Variants in BPHL observed in about 807,000 individuals in gnomAD.
BPHL encodes serine hydrolase BPHL.
A neutral mutation model predicts 31.2 loss-of-function variants in BPHL; 27 were observed. That is an observed-to-expected ratio of 0.87 (90% CI 0.64 to 1.19). The LOEUF (loss-of-function observed/expected upper bound fraction) is 1.19, where lower values mean the gene tolerates loss of function less well. Ranked by LOEUF, BPHL falls within the 50% of genes most tolerant of loss-of-function variation. BPHL has a pLI of 0.00. For missense variants in BPHL, 356 were observed against 375.7 expected (o/e 0.95, Z 0.43); for synonymous variants, 150 against 146.8 (o/e 1.02, Z -0.16).
At chr6:3,134,684 A>G (rs964820354) in intron 4 of BPHL, among the ~76,000 whole-genome samples, 2 of 147,166 alleles carry the variant, frequency 1.4e-5, no homozygotes, top group African/African-American at 2.5e-5. Context: ...CTCACTGCAA[A>G]CTCCGCCTCC....
intron 4 of BPHL, among the ~76,000 whole-genome samples, chr6:3,134,644 C>T (rs1438038909): frequency 1.4e-5 from 2 of 145,154 alleles, no homozygotes; most frequent in African/African-American, 5.3e-5. Flanking sequence ...CTCGCTCTGT[C>T]ACCCAGGCTG....
intron 3 of BPHL, 69 bp from the exon 4 acceptor site, chr6:3,128,976 T>C: frequency 1.2e-6 from 2 of 1,600,016 alleles, no homozygotes; most frequent in Non-Finnish European, 1.7e-6. Context: ...TTCTGATAAT[T>C]AGTGATTCAG....
intron 4 of BPHL, 60 bp downstream of exon 4, chr6:3,129,258 ATC>A (rs1761802889): frequency 6.8e-7 from 1 of 1,472,712 alleles, no homozygotes; most frequent in Non-Finnish European, 9.0e-7. Context: ...TCCGCATCTC[ATC>A]TCTTATTGTG....
chr6:3,119,648 A>G (rs1761504943), intron 1 of BPHL: 4 of 1,208,474 alleles, frequency 3.3e-6, no homozygotes, highest in Non-Finnish European at 4.7e-6. Context: ...CTCTACATAC[A>G]TCCCTACACA....
At chr6:3,143,386 T>A (rs137968550) in intron 6 of BPHL, among the ~76,000 whole-genome samples, 10 of 152,308 alleles carry the variant, frequency 6.6e-5, no homozygotes, top group Non-Finnish European at 1.2e-4. Flanking sequence ...GCTTCCAGCT[T>A]ATGTTAATTT....
intron 6 of BPHL, among the ~76,000 whole-genome samples, chr6:3,145,269 G>T (rs1413062016): frequency 6.0e-4 from 14 of 23,306 alleles, no homozygotes; most frequent in African/African-American, 4.4e-3. Flanking sequence ...GAGTGCTGGT[G>T]TGGGTTGGAG....
chr6:3,139,258 GAA>G (rs1488157759), intron 5 of BPHL: 1 of 152,220 alleles, frequency 6.6e-6, no homozygotes, highest in African/African-American at 2.4e-5. Flanking sequence ...TGTTATTACA[GAA>G]GTCCTTAATG....
At chr6:3,137,269 C>T (rs1762037707) in intron 4 of BPHL, 93 bp from the exon 5 acceptor site, 2 of 1,466,084 alleles carry the variant, frequency 1.4e-6, no homozygotes, top group Non-Finnish European at 1.9e-6. Flanking sequence ...ACAGTGAGCG[C>T]ATGGGCTCAG....
chr6:3,152,683 C>T lies in BPHL; in HGVS notation c.*108C>T. 3 of 951,304 alleles carry T rather than the reference C, an allele frequency of 3.2e-6. No individual in the cohort carries two copies. Among genetic ancestry groups the T allele is most frequent in the South Asian group, 1.6e-5 (1 of 62,844 alleles). The allele number at this position is 951,304 out of a possible 1,614,324, so 58.9% of individuals were successfully genotyped here. ...TCCGCCTTTGAAACTTTCTACCCCTCCCTTCAATCTTATCCTAACCAAATG... is the reference window on the plus strand; with the variant it reads ...TCCGCCTTTGAAACTTTCTACCCCTTCCTTCAATCTTATCCTAACCAAATG... On this transcript the variant is annotated 3_prime_UTR_variant, in exon 7 of 7. Transcript: ENST00000380379.
rs545141029 is a variant in BPHL, at chr6:3,134,226, G to A, written c.533-3136G>A. Among the ~76,000 whole-genome samples the A allele has an allele frequency of 2.0e-3, 302 of 152,172 alleles. 2 individuals are homozygous for A. Among genetic ancestry groups the A allele is most frequent in the African/African-American group, 6.8e-3 (283 of 41,512 alleles). ...TGAAATGTAACAACAAAACGACCCCGCCGCTGTCCACCCAACTCAGCACCA... is the reference window on the plus strand; with the variant it reads ...TGAAATGTAACAACAAAACGACCCCACCGCTGTCCACCCAACTCAGCACCA... On this transcript the variant is annotated intron_variant, in intron 4 of 6. Transcript: ENST00000380379.
Position 3,140,144 on chromosome 6 carries a change from C to A in BPHL, c.665-242C>A. 1 of 513,568 alleles carries A rather than the reference C, an allele frequency of 1.9e-6. No individual in the cohort carries two copies. Among genetic ancestry groups the A allele is most frequent in the Non-Finnish European group, 3.4e-6 (1 of 291,276 alleles). The allele number at this position is 513,568 out of a possible 1,614,324, so 31.8% of individuals were successfully genotyped here. A position where few individuals can be genotyped will look rare whatever the true frequency, so the allele number is the denominator to read the frequency against. On this transcript the variant is annotated intron_variant, in intron 5 of 6. Coordinates refer to ENST00000380379, the MANE Select transcript of BPHL (RefSeq NM_004332.4). This position sits in a 1 kb window ranked among gnomAD's most constrained non-coding sequence, Gnocchi z 5.2. ...CTATTTTATGCGAATTTAAATCAGG[C>A]TGCTTATTTACTAGTAGAACTCAGA...
chr6:3,135,724 T>C (rs944295870), intron 4 of BPHL, among the ~76,000 whole-genome samples: 2 of 152,234 alleles, frequency 1.3e-5, no homozygotes, highest in Admixed American at 6.5e-5. Flanking sequence ...TGTCTTCCAA[T>C]TTTCTAGTTT....
intron 4 of BPHL, among the ~76,000 whole-genome samples, chr6:3,133,248 G>A (rs1292053386): frequency 2.0e-5 from 3 of 150,764 alleles, no homozygotes; most frequent in South Asian, 2.1e-4. Context: ...CTCTTCTGCT[G>A]GGCTCTGAGT....
At position 3,145,999 on chromosome 6, in the gene BPHL, C is replaced by T. The variant is rs138399316; in HGVS notation, c.788+5490C>T. Among the ~76,000 whole-genome samples the T allele has an allele frequency of 7.1e-3, 104 of 14,584 alleles. 11 individuals carry two copies. Among genetic ancestry groups the T allele is most frequent in the African/African-American group, 0.013 (47 of 3,524 alleles). 9.6% of individuals were successfully genotyped at this position (14,584 alleles called of 152,430 possible). A position where few individuals can be genotyped will look rare whatever the true frequency, so the allele number is the denominator to read the frequency against. On this transcript the variant is annotated intron_variant, in intron 6 of 6. Coordinates refer to ENST00000380379, the MANE Select transcript of BPHL (RefSeq NM_004332.4). ...TGCTGGTTTGGGTCGAGTGCTGGTT[C>T]GGGGTGGAGTGCTGGTTCGGGTCCG...
At chr6:3,129,942 G>A (rs1008468895) in intron 4 of BPHL, among the ~76,000 whole-genome samples, 1 of 151,910 alleles carries the variant, frequency 6.6e-6, no homozygotes, top group Non-Finnish European at 1.5e-5. Flanking sequence ...AAGTAGCTGG[G>A]ATTACAGGCA....
intron 1 of BPHL, 90 bp downstream of exon 1, chr6:3,118,937 G>C (rs956046761): frequency 3.7e-6 from 4 of 1,083,698 alleles, no homozygotes; most frequent in South Asian, 8.9e-5. Flanking sequence ...AGGAGTTCCC[G>C]GCGCGCGGGC....
At chr6:3,142,674 G>C (rs1323765808) in intron 6 of BPHL, among the ~76,000 whole-genome samples, 1 of 152,096 alleles carries the variant, frequency 6.6e-6, no homozygotes, top group Non-Finnish European at 1.5e-5. Flanking sequence ...CTAATATGGT[G>C]CTTTTCCACC....
intron 6 of BPHL, among the ~76,000 whole-genome samples, chr6:3,141,294 G>A (rs1762167334): frequency 6.6e-6 from 1 of 152,154 alleles, no homozygotes; most frequent in South Asian, 2.1e-4. Context: ...TTTGGTAAGA[G>A]CATAGAGTCA....
chr6:3,152,685 C>T lies in BPHL; in HGVS notation c.*110C>T, dbSNP rs2231372. On this transcript the variant is annotated 3_prime_UTR_variant, in exon 7 of 7. Transcript: ENST00000380379. ...CGCCTTTGAAACTTTCTACCCCTCC[C>T]TTCAATCTTATCCTAACCAAATGAG... 0.017 allele frequency: 16,095 copies of T among 939,446 alleles called. 174 individuals carry two copies. The highest frequency in any genetic ancestry group is 0.022 in the Non-Finnish European group (13,561 of 614,922). 58.2% of individuals were successfully genotyped at this position (939,446 alleles called of 1,614,324 possible).
Sources: gnomAD v4.1 joint callset for allele counts (sites outside exome capture counted in the v4.1 genomes callset) on GRCh38, gnomAD v4.1.1 for gene constraint, Gnocchi (gnomAD v3.1) non-coding constraint, MANE v1.5 for transcripts, NCBI Gene and HGNC (gene_info 2026-07-23, HGNC 2026-07-21) for gene names.